The following MYT1L variants were observed in gnomAD, a reference collection of about 807,000 sequenced individuals.
The protein encoded by MYT1L is myelin transcription factor 1 like.
A neutral mutation model predicts 126.7 loss-of-function variants in MYT1L; 12 were observed. That is an observed-to-expected ratio of 0.09 (90% CI 0.06 to 0.15). The LOEUF (loss-of-function observed/expected upper bound fraction) is 0.15, where lower values mean the gene tolerates loss of function less well. Among genes scored for constraint, MYT1L ranks in the 10% least tolerant of loss-of-function variants. The pLI is 1.00. For synonymous variants in MYT1L, 541 were observed against 604.2 expected (o/e 0.90, Z 1.53); for missense variants, 979 against 1,585.2 (o/e 0.62, Z 6.49).
chr2:2,322,625 C>T (rs974422945), intron 1 of MYT1L, among the ~76,000 whole-genome samples: 2 of 151,538 alleles, frequency 1.3e-5, no homozygotes, highest in Non-Finnish European at 2.9e-5. Flanking sequence ...CTGGGCTCCA[C>T]CTTTGAAGGC....
Position 2,061,652 on chromosome 2 carries a change from G to A in MYT1L, c.-303-7529C>T, listed in dbSNP as rs146455240. Among the ~76,000 whole-genome samples the A allele has an allele frequency of 3.5e-3, 530 of 152,224 alleles. 5 individuals carry two copies. Among genetic ancestry groups the A allele is most frequent in the African/African-American group, 0.012 (511 of 41,548 alleles). On this transcript the variant is annotated intron_variant, in intron 3 of 24. Transcript: ENST00000647738. ...CGTAACTGCGCTCTCATTCACTCCA[G>A]CTCCCTGTCACCCAATGGACCTGTG...
chr2:2,150,465 G>GT (rs1368539539), intron 3 of MYT1L, among the ~76,000 whole-genome samples: 1 of 152,152 alleles, frequency 6.6e-6, no homozygotes, highest in Non-Finnish European at 1.5e-5. Flanking sequence ...ATAAGTCAGT[G>GT]TTTAACTTGC....
At chr2:2,314,681 T>A (rs547000962) in intron 1 of MYT1L, among the ~76,000 whole-genome samples, 26 of 152,328 alleles carry the variant, frequency 1.7e-4, no homozygotes, top group Admixed American at 1.5e-3. Context: ...AAGCTCCACA[T>A]GTATTAGCTA....
chr2:1,945,520 G>A (rs1256123042), intron 8 of MYT1L, among the ~76,000 whole-genome samples: 1 of 152,184 alleles, frequency 6.6e-6, no homozygotes, highest in Non-Finnish European at 1.5e-5. Flanking sequence ...AGTGTGTGTG[G>A]ACCAGGAGGA....
intron 3 of MYT1L, among the ~76,000 whole-genome samples, chr2:2,057,733 T>G (rs2069794513): frequency 6.6e-6 from 1 of 152,268 alleles, no homozygotes; most frequent in South Asian, 2.1e-4. Context: ...CTTTTCTTAT[T>G]CAGCATAATT....
intron 3 of MYT1L, among the ~76,000 whole-genome samples, chr2:2,137,055 A>T (rs1375491252): frequency 1.3e-5 from 2 of 152,194 alleles, no homozygotes. Flanking sequence ...ACAGACAAAC[A>T]GAGAGCCAAA....
intron 3 of MYT1L, among the ~76,000 whole-genome samples, chr2:2,142,187 T>C (rs2084089720): frequency 6.6e-6 from 1 of 152,166 alleles, no homozygotes; most frequent in Admixed American, 6.5e-5. Context: ...ACGTGAATCC[T>C]TTCCTAGACT....
chr2:2,013,933 G>T (rs1558740500), intron 4 of MYT1L, among the ~76,000 whole-genome samples: 2 of 152,248 alleles, frequency 1.3e-5, no homozygotes, highest in Admixed American at 6.5e-5. Flanking sequence ...AAGGCACAGG[G>T]ATGGTGAAGA....
intron 1 of MYT1L, among the ~76,000 whole-genome samples, chr2:2,321,965 A>T (rs1021647263): frequency 2.6e-5 from 4 of 152,202 alleles, no homozygotes; most frequent in African/African-American, 9.6e-5. Flanking sequence ...TGGCACACAT[A>T]CTAACCCTAT....
intron 3 of MYT1L, among the ~76,000 whole-genome samples, chr2:2,166,916 T>C (rs2089232429): frequency 6.6e-6 from 1 of 152,224 alleles, no homozygotes; most frequent in Non-Finnish European, 1.5e-5. Context: ...TTTAACAAAA[T>C]GTTCTTAAAA....
At chr2:1,951,323 G>A (rs2057730984) in intron 8 of MYT1L, among the ~76,000 whole-genome samples, 1 of 152,016 alleles carries the variant, frequency 6.6e-6, no homozygotes, top group African/African-American at 2.4e-5. Context: ...TTTGGGGACT[G>A]GGGAGGGAAG....
At chr2:1,971,038 C>A (rs1047634736) in intron 8 of MYT1L, among the ~76,000 whole-genome samples, 64 of 152,032 alleles carry the variant, frequency 4.2e-4, no homozygotes, top group African/African-American at 1.4e-3. Context: ...CTCCTTTTAC[C>A]AAATGTCAAA....
chr2:1,861,223 C>T (rs1385920789), intron 18 of MYT1L, among the ~76,000 whole-genome samples: 3 of 152,198 alleles, frequency 2.0e-5, no homozygotes, highest in South Asian at 2.1e-4. Flanking sequence ...GGCATGGGGA[C>T]GGCCACTTCC....
intron 3 of MYT1L, among the ~76,000 whole-genome samples, chr2:2,114,853 T>C (rs1349264517): frequency 6.6e-6 from 1 of 152,212 alleles, no homozygotes; most frequent in Non-Finnish European, 1.5e-5. Flanking sequence ...CGTCATCACG[T>C]GCATAAATCA....
intron 2 of MYT1L, among the ~76,000 whole-genome samples, chr2:2,200,188 T>C (rs2093000690): frequency 6.6e-6 from 1 of 152,090 alleles, no homozygotes; most frequent in Admixed American, 6.6e-5. Flanking sequence ...TCATGACAAA[T>C]AAATTTAGGT....
At chr2:2,108,783 T>G (rs558361158) in intron 3 of MYT1L, among the ~76,000 whole-genome samples, 1 of 152,078 alleles carries the variant, frequency 6.6e-6, no homozygotes, top group African/African-American at 2.4e-5. Flanking sequence ...ATCTTGGCAG[T>G]ATTTTTTTTT....
In MYT1L at chr2:1,924,516, A is replaced by G. The variant is rs1254009273; in HGVS notation, c.506-1253T>C. Among the ~76,000 whole-genome samples the G allele has an allele frequency of 3.3e-5, 5 of 152,210 alleles. No homozygotes were observed. In the East Asian group the frequency reaches 9.6e-4, roughly 29 times the overall value. ...ATACCAGTACACTAAAAACTGAGATATGGGGGCTCTGGTGTTTTCTCTATG... is the reference window on the plus strand; with the variant it reads ...ATACCAGTACACTAAAAACTGAGATGTGGGGGCTCTGGTGTTTTCTCTATG... On this transcript the variant is annotated intron_variant, in intron 9 of 24. Transcript: ENST00000647738.
chr2:2,038,195 A>C (rs941313607), intron 4 of MYT1L, among the ~76,000 whole-genome samples: 2 of 152,234 alleles, frequency 1.3e-5, no homozygotes, highest in Non-Finnish European at 2.9e-5. Context: ...GCACTGTTTA[A>C]GATTGACTTT....
intron 4 of MYT1L, among the ~76,000 whole-genome samples, chr2:2,019,568 T>G (rs2064816790): frequency 6.6e-6 from 1 of 152,192 alleles, no homozygotes; most frequent in African/African-American, 2.4e-5. Context: ...ATTCTCAGTG[T>G]GGGGGGTTCA....
Sources: gnomAD v4.1 joint callset for allele counts (sites outside exome capture counted in the v4.1 genomes callset) on GRCh38, gnomAD v4.1.1 for gene constraint, MANE v1.5 for transcripts, NCBI Gene and HGNC (gene_info 2026-07-23, HGNC 2026-07-21) for gene names.